The following FOXP1 variants were observed in gnomAD, a reference collection of about 807,000 sequenced individuals.
FOXP1 encodes the protein forkhead box P1.
In FOXP1, 15 loss-of-function variants were observed where a neutral mutation model predicts 98.2. That is an observed-to-expected ratio of 0.15 (90% CI 0.10 to 0.24). FOXP1 has a LOEUF of 0.24. FOXP1 is among the 10% of genes least tolerant of loss of function. The pLI is 1.00. For synonymous variants in FOXP1, 371 were observed against 314.5 expected, an observed-to-expected ratio of 1.18 and a Z score of -1.90; for missense variants, 633 against 848.5, an observed-to-expected ratio of 0.75 and a Z score of 3.15.
chr3:71,128,085 T>C (rs1423777432), intron 6 of FOXP1, among the ~76,000 whole-genome samples: 3 of 152,154 alleles, frequency 2.0e-5, no homozygotes, highest in Admixed American at 1.3e-4. Flanking sequence ...GTATAGGCAA[T>C]GAAACAGATT....
At chr3:71,511,608 G>T (rs1403993234) in intron 2 of FOXP1, among the ~76,000 whole-genome samples, 1 of 152,064 alleles carries the variant, frequency 6.6e-6, no homozygotes, top group Non-Finnish European at 1.5e-5. Flanking sequence ...ATAAAAATAT[G>T]CACTCAATTG....
At chr3:71,440,344 T>C (rs938465061) in intron 3 of FOXP1, among the ~76,000 whole-genome samples, 1 of 151,984 alleles carries the variant, frequency 6.6e-6, no homozygotes, top group Non-Finnish European at 1.5e-5. Flanking sequence ...GGCAGGGGAA[T>C]TGCTTGAGGT....
At chr3:71,292,465 G>A (rs1324514311) in intron 5 of FOXP1, 1 of 152,186 alleles carries the variant, frequency 6.6e-6, no homozygotes, top group Non-Finnish European at 1.5e-5. Context: ...TTCCCAGGTA[G>A]CTGGGACTAC....
chr3:71,583,461 C>G, intron 1 of FOXP1, 110 bp downstream of exon 1: 80 of 921,368 alleles, frequency 8.7e-5, no homozygotes, highest in East Asian at 1.2e-4. Context: ...CTTTTTCTTT[C>G]TTTCTTTTTT....
intron 4 of FOXP1, among the ~76,000 whole-genome samples, chr3:71,315,938 T>A (rs1278579188): frequency 6.6e-6 from 1 of 152,196 alleles, no homozygotes; most frequent in Non-Finnish European, 1.5e-5. Context: ...CTTAGTTTTG[T>A]TCATAGGAAA....
At chr3:71,290,830 C>T (rs2072672680) in intron 5 of FOXP1, among the ~76,000 whole-genome samples, 1 of 152,142 alleles carries the variant, frequency 6.6e-6, no homozygotes, top group Admixed American at 6.5e-5. Context: ...GTTAAGGATG[C>T]TTAGCTGGTA....
chr3:71,240,030 G>A (rs900297795), intron 5 of FOXP1, among the ~76,000 whole-genome samples: 2 of 152,214 alleles, frequency 1.3e-5, no homozygotes, highest in African/African-American at 4.8e-5. Context: ...GAACTGGGGG[G>A]CTTCGAAAGG....
chr3:71,109,783 G>A (rs1349482115), intron 7 of FOXP1, among the ~76,000 whole-genome samples: 1 of 152,070 alleles, frequency 6.6e-6, no homozygotes, highest in Non-Finnish European at 1.5e-5. Flanking sequence ...ACCTAATAAA[G>A]CTTACTGAAT....
chr3:71,523,948 G>A (rs1170107492), intron 2 of FOXP1, among the ~76,000 whole-genome samples: 2 of 152,196 alleles, frequency 1.3e-5, no homozygotes, highest in East Asian at 1.9e-4. Flanking sequence ...TCACGGAGAT[G>A]AGGGAATGTG....
intron 7 of FOXP1, among the ~76,000 whole-genome samples, chr3:71,073,772 T>A: frequency 6.6e-6 from 1 of 152,256 alleles, no homozygotes; most frequent in Middle Eastern, 3.4e-3. Context: ...AACCCTCCAA[T>A]GTTGTTCACA....
chr3:71,030,491 G>A (rs1043044724), intron 11 of FOXP1, among the ~76,000 whole-genome samples: 5 of 152,120 alleles, frequency 3.3e-5, no homozygotes, highest in Admixed American at 2.0e-4. Context: ...GAACTTAACC[G>A]TTCTTGTGTA....
intron 6 of FOXP1, among the ~76,000 whole-genome samples, chr3:71,141,988 T>C (rs544946878): frequency 1.1e-4 from 16 of 152,222 alleles, no homozygotes; most frequent in Non-Finnish European, 2.1e-4. Flanking sequence ...AATTAACTTA[T>C]TGAATCGTTA....
intron 10 of FOXP1, among the ~76,000 whole-genome samples, chr3:71,046,638 T>C (rs991713674): frequency 6.6e-6 from 1 of 152,192 alleles, no homozygotes; most frequent in African/African-American, 2.4e-5. Flanking sequence ...ACAGAAACAC[T>C]GCAAGAGTCC....
At chr3:71,391,521 G>C (rs1311858166) in intron 3 of FOXP1, among the ~76,000 whole-genome samples, 1 of 152,208 alleles carries the variant, frequency 6.6e-6, no homozygotes, top group Non-Finnish European at 1.5e-5. Flanking sequence ...GGAAGCCACA[G>C]ACACACACTT....
rs115233694 is a variant in FOXP1, at chr3:71,457,450, T to C, written c.-168+35976A>G. On this transcript the variant is annotated intron_variant, in intron 3 of 20. Coordinates refer to ENST00000649528, the MANE Select transcript of FOXP1 (RefSeq NM_001349338.3). ...AGGTACATACCTAAAATATCCTCGGTAATCACAAAAGAGATCCAAGTCCTT... is the reference window on the plus strand; with the variant it reads ...AGGTACATACCTAAAATATCCTCGGCAATCACAAAAGAGATCCAAGTCCTT... 1.7e-3 allele frequency among the ~76,000 whole-genome samples: 260 copies of C among 152,294 alleles called. 1 individual carries two copies. Among genetic ancestry groups the C allele is most frequent in the African/African-American group, 5.8e-3 (242 of 41,560 alleles).
At chr3:71,342,196 A>G (rs2077048098) in intron 4 of FOXP1, among the ~76,000 whole-genome samples, 1 of 152,256 alleles carries the variant, frequency 6.6e-6, no homozygotes, top group Non-Finnish European at 1.5e-5. Flanking sequence ...TCTATTTTAC[A>G]AATCATTTCA....
intron 3 of FOXP1, among the ~76,000 whole-genome samples, chr3:71,482,986 C>T (rs2090394323): frequency 6.6e-6 from 1 of 151,960 alleles, no homozygotes. Context: ...CAGGTGCAAG[C>T]TACCACATCC....
chr3:71,406,012 G>A (rs1428837488), intron 3 of FOXP1, among the ~76,000 whole-genome samples: 1 of 152,050 alleles, frequency 6.6e-6, no homozygotes, highest in Non-Finnish European at 1.5e-5. Context: ...TTACAGGTGT[G>A]AGCCACCACG....
chr3:71,367,775 A>AT (rs906716520), intron 3 of FOXP1, among the ~76,000 whole-genome samples: 1 of 152,172 alleles, frequency 6.6e-6, no homozygotes, highest in African/African-American at 2.4e-5. Context: ...AGCAACTTCA[A>AT]TTTTCTCCTT....
Sources: allele counts gnomAD v4.1 joint callset (sites outside exome capture counted in the v4.1 genomes callset), GRCh38; gene constraint gnomAD v4.1.1; transcripts MANE v1.5; gene names NCBI Gene and HGNC (gene_info 2026-07-23, HGNC 2026-07-21).